RORB: variants seen among roughly 807,000 people sequenced by gnomAD.
RORB encodes nuclear receptor ROR-beta.
RORB carries 6 observed loss-of-function variants against 59.1 expected under a neutral mutation model. The observed-to-expected ratio is 0.10, with a 90% CI of 0.06 to 0.20. The LOEUF (loss-of-function observed/expected upper bound fraction) is 0.20, where lower values mean the gene tolerates loss of function less well. Among genes scored for constraint, RORB ranks in the 10% least tolerant of loss-of-function variants. The pLI is 1.00. For missense variants in RORB, 320 were observed against 560.5 expected (o/e 0.57, Z 4.33); for synonymous variants, 215 against 204.5 (o/e 1.05, Z -0.44).
intron 1 of RORB, among the ~76,000 whole-genome samples, chr9:74,518,063 C>A (rs912314625): frequency 6.6e-6 from 1 of 151,962 alleles, no homozygotes; most frequent in African/African-American, 2.4e-5. Context: ...GCTCTGCCCT[C>A]CCCATTACAG....
chr9:74,500,481 A>G (rs896504210), intron 1 of RORB, among the ~76,000 whole-genome samples: 4 of 152,088 alleles, frequency 2.6e-5, no homozygotes, highest in Non-Finnish European at 2.9e-5. Flanking sequence ...TAAGCACCCT[A>G]TGTTGGGAGA....
At chr9:74,669,751 G>A (rs1419789728) in intron 8 of RORB, among the ~76,000 whole-genome samples, 2 of 152,204 alleles carry the variant, frequency 1.3e-5, no homozygotes, top group East Asian at 3.9e-4. Context: ...GTAGAGACCA[G>A]ATGTCTTTTC....
chr9:74,659,623 T>A (rs1023096792), intron 4 of RORB, among the ~76,000 whole-genome samples: 1 of 152,170 alleles, frequency 6.6e-6, no homozygotes, highest in African/African-American at 2.4e-5. Flanking sequence ...CCTGAGTAGC[T>A]GGGATTACAG....
chr9:74,622,855 G>A (rs983353968), intron 1 of RORB, among the ~76,000 whole-genome samples: 16 of 151,994 alleles, frequency 1.1e-4, no homozygotes, highest in Non-Finnish European at 2.4e-4. Context: ...CCCAGGGTAG[G>A]AGCAAAATGC....
chr9:74,565,589 T>A (rs941159311), intron 1 of RORB, among the ~76,000 whole-genome samples: 1 of 152,212 alleles, frequency 6.6e-6, no homozygotes, highest in African/African-American at 2.4e-5. Flanking sequence ...TAGTTAAATT[T>A]ATCAATTGTG....
At position 74,551,486 on chromosome 9, in the gene RORB, C is replaced by T. The variant is rs75657768; in HGVS notation, c.7+53503C>T. ...ACAAAGAGATGATTCATGTCCCAGA[C>T]GAGACAGAGCGGGATGACAAGAGAT... is the stretch of plus-strand genomic sequence containing the variant. On this transcript the variant is annotated intron_variant, in intron 1 of 9. Transcript: ENST00000376896. Among the ~76,000 whole-genome samples, 2,026 of 152,232 alleles carry T rather than the reference C, an allele frequency of 0.013. 124 individuals carry two copies. The East Asian group carries it at 0.19, about 14-fold the overall frequency.
At chr9:74,536,984 T>C (rs1163547666) in intron 1 of RORB, among the ~76,000 whole-genome samples, 1 of 152,018 alleles carries the variant, frequency 6.6e-6, no homozygotes, top group Non-Finnish European at 1.5e-5. Flanking sequence ...TTATTTGAAT[T>C]TGAATTGATT....
chr9:74,514,775 T>C (rs1405623292), intron 1 of RORB, among the ~76,000 whole-genome samples: 1 of 151,224 alleles, frequency 6.6e-6, no homozygotes, highest in African/African-American at 2.4e-5. Context: ...GCCCTATTTC[T>C]AGAAGTACTA....
chr9:74,667,500 G>A (rs1824286249), intron 7 of RORB, among the ~76,000 whole-genome samples: 2 of 152,154 alleles, frequency 1.3e-5, no homozygotes, highest in South Asian at 4.1e-4. Flanking sequence ...TTATAAGGAT[G>A]TAATCATATT....
intron 1 of RORB, among the ~76,000 whole-genome samples, chr9:74,583,976 C>A (rs146387000): frequency 6.6e-6 from 1 of 152,116 alleles, no homozygotes; most frequent in Admixed American, 6.5e-5. Context: ...TTGTGTAGAA[C>A]GGGTACAAAA....
rs1353956863 is a variant in RORB, at chr9:74,688,408, T to A, written c.*2790T>A. ...ACTGCATGTCAAGGTATTTTGTACC[T>A]ACAATCCCAGAACTTGGTTCCTTCC... On this transcript the variant is annotated 3_prime_UTR_variant, in exon 10 of 10. Transcript: ENST00000376896. The A allele has an allele frequency of 6.6e-6, 1 of 152,198 alleles. No individual in the cohort carries two copies. The highest frequency in any genetic ancestry group is 2.4e-5 in the African/African-American group (1 of 41,452). 9.4% of individuals were successfully genotyped at this position (152,198 alleles called of 1,614,324 possible). A position where few individuals can be genotyped will look rare whatever the true frequency, so the allele number is the denominator to read the frequency against.
chr9:74,567,499 G>A lies in RORB; in HGVS notation c.8-62783G>A, dbSNP rs200314546. ...GGAAAGGGATAGGAATTCAGAGTAG[G>A]TAATGGCAAGGACAGAAAAGTCAAG... On this transcript the variant is annotated intron_variant, in intron 1 of 9. Transcript: ENST00000376896. Among the ~76,000 whole-genome samples, 5 of 152,268 alleles carry A rather than the reference G, an allele frequency of 3.3e-5. No individual in the cohort carries two copies. The East Asian group carries it at 9.7e-4, about 29-fold the overall frequency.
At chr9:74,505,402 A>G (rs1028251592) in intron 1 of RORB, among the ~76,000 whole-genome samples, 4 of 152,256 alleles carry the variant, frequency 2.6e-5, no homozygotes, top group African/African-American at 9.6e-5. Context: ...AATAAGCTCA[A>G]AGATGATGTC....
chr9:74,634,140 G>A (rs1200351179), intron 2 of RORB, among the ~76,000 whole-genome samples: 1 of 128,664 alleles, frequency 7.8e-6, no homozygotes, highest in African/African-American at 2.6e-5. Flanking sequence ...TTTATGGTGG[G>A]GAAAAACACA....
At chr9:74,601,320 T>G (rs1380831641) in intron 1 of RORB, among the ~76,000 whole-genome samples, 1 of 150,610 alleles carries the variant, frequency 6.6e-6, no homozygotes, top group Non-Finnish European at 1.5e-5. Flanking sequence ...ACAATTGTGG[T>G]TTTTATTTTA....
At chr9:74,599,366 A>C (rs1395127020) in intron 1 of RORB, among the ~76,000 whole-genome samples, 1 of 152,184 alleles carries the variant, frequency 6.6e-6, no homozygotes, top group African/African-American at 2.4e-5. Flanking sequence ...AATGGCCTCT[A>C]AGGTCAAAAA....
chr9:74,641,902 G>A (rs982377176), intron 3 of RORB, among the ~76,000 whole-genome samples: 1 of 152,032 alleles, frequency 6.6e-6, no homozygotes, highest in Non-Finnish European at 1.5e-5. Context: ...GCAAGACCCT[G>A]TCTCTTAAAG....
intron 4 of RORB, among the ~76,000 whole-genome samples, chr9:74,655,931 T>A (rs1187181341): frequency 6.6e-6 from 1 of 152,208 alleles, no homozygotes; most frequent in African/African-American, 2.4e-5. Context: ...GGAATGTGTC[T>A]GCAATTGCTG....
Position 74,661,866 on chromosome 9 carries a change from C to T in RORB, c.760-608C>T, listed in dbSNP as rs369370407. Among the ~76,000 whole-genome samples, 9 of 151,498 alleles carry T rather than the reference C, an allele frequency of 5.9e-5. No individual in the cohort carries two copies. The East Asian group carries it at 1.4e-3, about 23-fold the overall frequency. ...TTCACCATGTTAGCCAGGATGGTGT[C>T]GATCTCCTGACCCTGTGATCCGCCT... On this transcript the variant is annotated intron_variant, in intron 5 of 9. Transcript: ENST00000376896.
Sources: allele counts gnomAD v4.1 joint callset (sites outside exome capture counted in the v4.1 genomes callset), GRCh38; gene constraint gnomAD v4.1.1; transcripts MANE v1.5; gene names NCBI Gene and HGNC (gene_info 2026-07-23, HGNC 2026-07-21).